NPHP3: variants seen among roughly 807,000 people sequenced by gnomAD.
NPHP3 encodes nephrocystin 3.
A neutral mutation model predicts 171.9 loss-of-function variants in NPHP3; 123 were observed. The observed-to-expected ratio is 0.72, with a 90% CI of 0.62 to 0.83. The LOEUF (loss-of-function observed/expected upper bound fraction) is 0.83, where lower values mean the gene tolerates loss of function less well. Ranked by LOEUF, NPHP3 falls within the 40% of genes least tolerant of loss-of-function variation. The pLI, the probability that NPHP3 is intolerant of heterozygous loss-of-function variation, is 0.00. For synonymous variants in NPHP3, 558 were observed against 579.2 expected, an observed-to-expected ratio of 0.96 and a Z score of 0.52; for missense variants, 1,506 against 1,591.9, an observed-to-expected ratio of 0.95 and a Z score of 0.92.
intron 6 of NPHP3, among the ~76,000 whole-genome samples, chr3:132,709,299 T>C (rs1343764747): frequency 8.7e-6 from 1 of 115,016 alleles, no homozygotes; most frequent in Non-Finnish European, 1.8e-5. Flanking sequence ...TTTTTTTTTT[T>C]TGAGACAGGG....
rs1324292801 is a variant in NPHP3 at position 132,704,239 on chromosome 3, G to A, written c.1483C>T (p.Gln495Ter). 5 of 1,614,038 alleles carry A rather than the reference G, an allele frequency of 3.1e-6. No individual in the cohort carries two copies. The highest frequency in any genetic ancestry group is 4.2e-6 in the Non-Finnish European group (5 of 1,180,044). ...HDEQEQMETF[Q>*]QASNSAHELG... ...TCATGGGCTGAATTAGAAGCCTGCT[G>A]AAAAGTTTCCATTTGCTCTTGTTCA... The change falls in exon 9 of 27, where the codon CAG becomes TAG. Residue 495 changes from glutamine (Q) to a stop codon, truncating the protein, a stop_gained. Transcript: ENST00000337331. LOFTEE classifies it high-confidence loss of function.
chr3:132,717,752 CTTTTTTT>C (rs959757847), intron 3 of NPHP3, among the ~76,000 whole-genome samples: 6 of 81,264 alleles, frequency 7.4e-5, no homozygotes, highest in Non-Finnish European at 1.1e-4. Context: ...CATTAAGAAT[CTTTTTTT>C]TTTTTTTTTT....
chr3:132,684,493 A>T, intron 24 of NPHP3, 61 bp downstream of exon 24: 1 of 1,579,764 alleles, frequency 6.3e-7, no homozygotes, highest in Non-Finnish European at 8.7e-7. Flanking sequence ...TATTTTGCTG[A>T]TAGTAGTTAT....
intron 7 of NPHP3, 52 bp downstream of exon 7, chr3:132,708,043 TTTGCTC>T: frequency 6.4e-7 from 1 of 1,559,820 alleles, no homozygotes; most frequent in South Asian, 1.1e-5. Context: ...CCTCATGGCC[TTTGCTC>T]CAGTTTTTCC....
At chr3:132,719,237 C>CAAATG in intron 2 of NPHP3, 93 bp from the exon 3 acceptor site, 1 of 1,001,554 alleles carries the variant, frequency 1.0e-6, no homozygotes, top group Non-Finnish European at 1.5e-6. Flanking sequence ...TTCATAAAAC[C>CAAATG]AATATTCATT....
At chr3:132,718,050 G>T in intron 3 of NPHP3, 1 of 395,016 alleles carries the variant, frequency 2.5e-6, no homozygotes, top group Non-Finnish European at 4.7e-6. Flanking sequence ...CACCGTGCCC[G>T]GCCTTCATTT....
At chr3:132,683,299 G>T in intron 25 of NPHP3, 100 bp downstream of exon 25, 1 of 1,077,862 alleles carries the variant, frequency 9.3e-7, no homozygotes. Flanking sequence ...TCCTTAAATT[G>T]TCTTTCATTC....
intron 1 of NPHP3, 148 bp downstream of exon 1, chr3:132,721,815 G>T: frequency 1.0e-6 from 1 of 995,644 alleles, no homozygotes; most frequent in Non-Finnish European, 1.5e-6. Context: ...GAGGGTTAAG[G>T]AATCATTTCA....
Position 132,708,266 on chromosome 3 carries a change from G to A in NPHP3, c.1119-9C>T, listed in dbSNP as rs1262274056. ...AGTCTTCCAATAAAAGGCTAGATTGGAAATCAGCATTTTGTGTGCTATACT... is the reference window on the plus strand; with the variant it reads ...AGTCTTCCAATAAAAGGCTAGATTGAAAATCAGCATTTTGTGTGCTATACT... On this transcript the variant is annotated splice_polypyrimidine_tract_variant and intron_variant, in intron 6 of 26. Transcript: ENST00000337331. The A allele has an allele frequency of 1.2e-6, 2 of 1,613,158 alleles. No individual in the cohort carries two copies. The highest frequency in any genetic ancestry group is 4.5e-5 in the East Asian group (2 of 44,864).
chr3:132,712,104 T>C (rs930777027), intron 6 of NPHP3, among the ~76,000 whole-genome samples: 4 of 152,288 alleles, frequency 2.6e-5, no homozygotes, highest in East Asian at 1.9e-4. Flanking sequence ...TCTCTATATC[T>C]AACTGGTGAA....
intron 3 of NPHP3, chr3:132,718,118 C>T (rs1464008474): frequency 2.2e-6 from 1 of 448,160 alleles, no homozygotes; most frequent in East Asian, 7.5e-5. Flanking sequence ...TCCAATGATA[C>T]TACAATGAAA....
chr3:132,699,412 C>T lies in NPHP3; in HGVS notation c.1926G>A (p.Leu642=). The part of the protein sequence containing the change: ...EKHMKWLIDP[L]PVNVRVIVSV... ...AAACAATTACTCTTACATTCACTGG[C>T]AGTGGATCTATCAGCCATTTCATGT... Residue 642 remains leucine, a synonymous_variant, in exon 13 of 27, where the codon CTG becomes CTA. Coordinates refer to ENST00000337331, the MANE Select transcript of NPHP3 (RefSeq NM_153240.5). 1 of 1,612,374 alleles carries T rather than the reference C, an allele frequency of 6.2e-7. No homozygotes were observed. The highest frequency in any genetic ancestry group is 8.5e-7 in the Non-Finnish European group (1 of 1,179,794).
intron 16 of NPHP3, chr3:132,693,251 T>G: frequency 4.9e-6 from 1 of 203,366 alleles, no homozygotes; most frequent in Non-Finnish European, 9.9e-6. Context: ...GAAATTGAAG[T>G]CAGAGTGTAA....
intron 7 of NPHP3, among the ~76,000 whole-genome samples, chr3:132,706,833 C>T (rs533176604): frequency 3.9e-5 from 6 of 152,122 alleles, no homozygotes; most frequent in African/African-American, 7.2e-5. Flanking sequence ...TTTTGTGGGA[C>T]GTAGTGGACT....
intron 1 of NPHP3, among the ~76,000 whole-genome samples, chr3:132,720,214 A>C (rs1001576288): frequency 3.9e-5 from 6 of 152,244 alleles, no homozygotes; most frequent in African/African-American, 9.6e-5. Flanking sequence ...ACTATGTCTT[A>C]TTCATCTCAC....
chr3:132,682,608 G>A, intron 26 of NPHP3, 95 bp downstream of exon 26: 1 of 799,432 alleles, frequency 1.3e-6, no homozygotes, highest in Non-Finnish European at 2.2e-6. Context: ...CCCACTCTAA[G>A]AAAAAACATT....
intron 9 of NPHP3, among the ~76,000 whole-genome samples, chr3:132,702,763 C>T (rs1331336259): frequency 6.6e-6 from 1 of 152,080 alleles, no homozygotes; most frequent in Non-Finnish European, 1.5e-5. Context: ...AGAATATATT[C>T]CCCAGGAACT....
At position 132,686,290 on chromosome 3, in the gene NPHP3, C is replaced by G. The variant is rs758927671; in HGVS notation, c.3299G>C (p.Gly1100Ala). 1.2e-5 allele frequency: 19 copies of G among 1,613,824 alleles called. No homozygotes were observed. Among genetic ancestry groups the G allele is most frequent in the Non-Finnish European group, 1.5e-5 (18 of 1,179,788 alleles). Residue 1100 changes from glycine (G) to alanine (A), a missense_variant, in exon 23 of 27, where the codon GGT becomes GCT. By Grantham distance (60) the Gly-to-Ala change is moderately conservative. Coordinates refer to ENST00000337331, the MANE Select transcript of NPHP3 (RefSeq NM_153240.5). ...PDNARTLNEL[G>A]VLYYLQNNLE... The stretch of plus-strand genomic sequence containing the variant: ...GTTATTTTGAAGATAGTAGAGAACA[C>G]CCAGTTCATTGAGGGTCCGAGCATT...
At chr3:132,712,860 G>T (rs537800939) in intron 6 of NPHP3, among the ~76,000 whole-genome samples, 1 of 152,164 alleles carries the variant, frequency 6.6e-6, no homozygotes, top group Non-Finnish European at 1.5e-5. Flanking sequence ...CTCCTGGCTA[G>T]ATTTGGCCCT....
Sources: allele counts gnomAD v4.1 joint callset (sites outside exome capture counted in the v4.1 genomes callset), GRCh38; gene constraint gnomAD v4.1.1; transcripts MANE v1.5; gene names NCBI Gene and HGNC (gene_info 2026-07-23, HGNC 2026-07-21).